B3GNT3: variants seen among roughly 807,000 people sequenced by gnomAD.
B3GNT3 encodes UDP-GlcNAc:betaGal beta-1,3-N-acetylglucosaminyltransferase 3.
A neutral mutation model predicts 11.6 loss-of-function variants in B3GNT3; 7 were observed. The ratio of observed to expected loss-of-function variants is 0.60; its 90% CI spans 0.34 to 1.13. The LOEUF (loss-of-function observed/expected upper bound fraction) is 1.13, where lower values mean the gene tolerates loss of function less well. Ranked by LOEUF, B3GNT3 falls within the 50% of genes most tolerant of loss-of-function variation. The pLI is 0.03. For missense variants in B3GNT3, 400 were observed against 507.4 expected (o/e 0.79, Z 2.03); for synonymous variants, 201 against 222.1 (o/e 0.90, Z 0.85).
At chr19:17,797,445 G>A (rs2094160683) in intron 1 of B3GNT3, among the ~76,000 whole-genome samples, 1 of 152,126 alleles carries the variant, frequency 6.6e-6, no homozygotes, top group Non-Finnish European at 1.5e-5. Context: ...TGCGATGCAC[G>A]GCCTGGCTTC....
intron 1 of B3GNT3, 160 bp from the exon 2 acceptor site, chr19:17,807,598 T>G: frequency 2.0e-6 from 1 of 498,252 alleles, no homozygotes; most frequent in South Asian, 3.9e-5. Context: ...GGGGTTGGAG[T>G]GCTTTGAAAT....
chr19:17,807,698 G>A, intron 1 of B3GNT3, 60 bp from the exon 2 acceptor site: 1 of 1,070,500 alleles, frequency 9.3e-7, no homozygotes, highest in Non-Finnish European at 1.3e-6. Flanking sequence ...CCAGATGTTG[G>A]GGGCCACAGG....
At chr19:17,795,315 C>T (rs2094158216) in intron 1 of B3GNT3, 109 bp downstream of exon 1, 1 of 152,184 alleles carries the variant, frequency 6.6e-6, no homozygotes, top group South Asian at 2.1e-4. Flanking sequence ...CCGCGCATAC[C>T]CTGCAGATGT....
At chr19:17,798,075 G>A (rs1416000085) in intron 1 of B3GNT3, among the ~76,000 whole-genome samples, 1 of 152,134 alleles carries the variant, frequency 6.6e-6, no homozygotes, top group African/African-American at 2.4e-5. Flanking sequence ...GGAAGGCTCA[G>A]TGAGACTCCT....
chr19:17,804,936 C>T (rs947087178), intron 1 of B3GNT3, among the ~76,000 whole-genome samples: 3 of 151,602 alleles, frequency 2.0e-5, no homozygotes, highest in Non-Finnish European at 2.9e-5. Flanking sequence ...ACTCTTCCAC[C>T]TAGATGTTAC....
At chr19:17,799,682 G>A (rs758913682) in intron 1 of B3GNT3, among the ~76,000 whole-genome samples, 33 of 152,140 alleles carry the variant, frequency 2.2e-4, no homozygotes, top group Admixed American at 1.8e-3. Context: ...AACGGCTGTC[G>A]GGGGTCCCCA....
chr19:17,803,522 G>A (rs994258414), intron 1 of B3GNT3, among the ~76,000 whole-genome samples: 1 of 152,162 alleles, frequency 6.6e-6, no homozygotes, highest in Admixed American at 6.6e-5. Context: ...ACAGCTCCAG[G>A]CAGGACCGAC....
Position 17,812,537 on chromosome 19 carries a change from A to G in B3GNT3, c.*415A>G, listed in dbSNP as rs913055949. On this transcript the variant is annotated 3_prime_UTR_variant, in exon 3 of 3. Transcript: ENST00000318683. ...CTCCGTCTGCAGTTCCAGGCCAGCC[A>G]GAAACTCCTGTGTCCACATAGAGCT... The G allele has an allele frequency of 5.4e-6, 1 of 186,540 alleles. No homozygotes were observed. Among genetic ancestry groups the G allele is most frequent in the African/African-American group, 2.4e-5 (1 of 42,156 alleles). The allele number at this position is 186,540 out of a possible 1,614,324, so 11.6% of individuals were successfully genotyped here. A position where few individuals can be genotyped will look rare whatever the true frequency, so the allele number is the denominator to read the frequency against.
At chr19:17,806,136 T>C (rs1306228765) in intron 1 of B3GNT3, among the ~76,000 whole-genome samples, 3 of 151,874 alleles carry the variant, frequency 2.0e-5, no homozygotes, top group Non-Finnish European at 2.9e-5. Context: ...CCTGGCTAAT[T>C]TTTGTATTTT....
chr19:17,798,896 G>A, intron 1 of B3GNT3, among the ~76,000 whole-genome samples: 1 of 152,076 alleles, frequency 6.6e-6, no homozygotes, highest in Admixed American at 6.6e-5. Context: ...GTTGAGCCCT[G>A]GAGTTGGAGG....
In B3GNT3 at chr19:17,805,297, C is replaced by A. The variant is rs2094171766; in HGVS notation, c.-50-2461C>A. On this transcript the variant is annotated intron_variant, in intron 1 of 2. Coordinates refer to ENST00000318683, the MANE Select transcript of B3GNT3 (RefSeq NM_014256.4). ...TATTTTGGGTAGAGATGGGGTTTCA[C>A]CATGTTGCCCAGGCTGGTCTCAAAC... is the stretch of plus-strand genomic sequence containing the variant. Among the ~76,000 whole-genome samples the A allele has an allele frequency of 2.0e-5, 3 of 152,048 alleles. No homozygotes were observed. In the South Asian group the frequency reaches 6.2e-4, roughly 32 times the overall value.
At chr19:17,803,675 G>A (rs7256058) in intron 1 of B3GNT3, among the ~76,000 whole-genome samples, 23,989 of 151,764 alleles carry the variant, frequency 0.16, 2,417 homozygotes, top group African/African-American at 0.28. Context: ...GCTGTAACAT[G>A]CAGGGAACAT....
Position 17,812,897 on chromosome 19 carries a change from G to A in B3GNT3, c.*775G>A, listed in dbSNP as rs571282826. On this transcript the variant is annotated 3_prime_UTR_variant, in exon 3 of 3. Transcript: ENST00000318683. ...GGCATATGCCTCACTACTGCCTGGA[G>A]AAGGGAGAGATTCAGGTCCTCCAGC... The A allele has an allele frequency of 6.8e-6, 1 of 146,922 alleles. No homozygotes were observed. The highest frequency in any genetic ancestry group is 1.5e-5 in the Non-Finnish European group (1 of 66,960). 9.1% of individuals were successfully genotyped at this position (146,922 alleles called of 1,614,324 possible).
At chr19:17,805,667 T>A (rs2094172145) in intron 1 of B3GNT3, among the ~76,000 whole-genome samples, 1 of 152,226 alleles carries the variant, frequency 6.6e-6, no homozygotes, top group African/African-American at 2.4e-5. Context: ...CTGTCTGGAA[T>A]GCCCTTCCCC....
Position 17,808,392 on chromosome 19 carries a change from C to A in B3GNT3, c.567+18C>A. On this transcript the variant is annotated intron_variant, in intron 2 of 2. Transcript: ENST00000318683. ...TCAAGCAGGTGCGCTGGACTGGGGT[C>A]ACCTGATCGGGGCCACCTGTCCTTC... The A allele has an allele frequency of 1.3e-6, 2 of 1,581,036 alleles. No homozygotes were observed. The highest frequency in any genetic ancestry group is 2.3e-5 in the East Asian group (1 of 44,398).
Position 17,807,877 on chromosome 19 carries a change from C to T in B3GNT3, c.70C>T (p.Leu24Phe), listed in dbSNP as rs565062689. Reference protein sequence around the residue: ...ILAIGAFTLLLFSLLVSPPTC... With the variant: ...ILAIGAFTLLFFSLLVSPPTC... ...GGCCATCGGCGCTTTCACCCTCCTC[C>T]TCTTCAGTCTGCTAGTGTCACCACC... The change falls in exon 2 of 3, where the codon CTC (leucine) becomes TTC (phenylalanine). Residue 24 changes from leucine (L) to phenylalanine (F), a missense_variant. Physicochemically the swap from Leu to Phe is conservative, Grantham distance 22. Transcript: ENST00000318683. 4 of 1,613,574 alleles carry T rather than the reference C, an allele frequency of 2.5e-6. No individual in the cohort carries two copies. In the South Asian group the frequency reaches 4.4e-5, roughly 18 times the overall value.
rs752385665 is a variant in B3GNT3 at position 17,808,175 on chromosome 19, G to A, written c.368G>A (p.Arg123His). ...TCCTCCCCTAGCAACTATGTGCGCC[G>A]CGAGCTGCTGCGGCGCACGTGGGGC... ...IKSSPSNYVR[R>H]ELLRRTWGRE... The change falls in exon 2 of 3, where the codon CGC becomes CAC. Residue 123 changes from arginine to histidine, a missense_variant. By Grantham distance (29) the Arg-to-His change is conservative. Coordinates refer to ENST00000318683, the MANE Select transcript of B3GNT3 (RefSeq NM_014256.4). 1.7e-5 allele frequency: 27 copies of A among 1,610,556 alleles called. No individual in the cohort carries two copies. The highest frequency in any genetic ancestry group is 1.2e-5 in the Non-Finnish European group (14 of 1,178,150).
intron 2 of B3GNT3, among the ~76,000 whole-genome samples, chr19:17,809,353 C>T (rs927595884): frequency 1.3e-5 from 2 of 151,942 alleles, no homozygotes; most frequent in African/African-American, 4.8e-5. Flanking sequence ...GAGGGAGGAT[C>T]GCTTGAGCCC....
At position 17,811,374 on chromosome 19, in the gene B3GNT3, A is replaced by G. The variant is rs999350382; in HGVS notation, c.568-197A>G. Among the ~76,000 whole-genome samples the G allele has an allele frequency of 1.3e-5, 2 of 152,240 alleles. No individual in the cohort carries two copies. The highest frequency in any genetic ancestry group is 4.8e-5 in the African/African-American group (2 of 41,460). ...GATTCCCCAACACTCCTAGAGGCAC[A>G]TGATAAGGCCTGTTTGGAGAGTTGA... On this transcript the variant is annotated intron_variant, in intron 2 of 2. Coordinates refer to ENST00000318683, the MANE Select transcript of B3GNT3 (RefSeq NM_014256.4). This position sits in a 1 kb window ranked among gnomAD's most constrained non-coding sequence, Gnocchi z 4.1.
Sources: allele counts gnomAD v4.1 joint callset (sites outside exome capture counted in the v4.1 genomes callset), GRCh38; gene constraint gnomAD v4.1.1; non-coding constraint Gnocchi (gnomAD v3.1); transcripts MANE v1.5; gene names NCBI Gene and HGNC (gene_info 2026-07-23, HGNC 2026-07-21).